The following PCDHGA1 variants were observed in gnomAD, a reference collection of about 807,000 sequenced individuals.
PCDHGA1 encodes protocadherin gamma-A1.
A neutral mutation model predicts 58.0 loss-of-function variants in PCDHGA1; 32 were observed. The observed-to-expected ratio is 0.55, with a 90% CI of 0.42 to 0.74. The LOEUF (loss-of-function observed/expected upper bound fraction) is 0.74, where lower values mean the gene tolerates loss of function less well. Among genes scored for constraint, PCDHGA1 ranks in the 30% least tolerant of loss-of-function variants. The pLI is 0.00. For missense variants in PCDHGA1, 1,205 were observed against 1,182.3 expected (o/e 1.02, Z -0.28); for synonymous variants, 498 against 501.1 (o/e 0.99, Z 0.08).
At chr5:141,478,574 C>T (rs2099465133) in intron 1 of PCDHGA1, 1 of 1,586,288 alleles carries the variant, frequency 6.3e-7, no homozygotes, top group Non-Finnish European at 8.6e-7. Flanking sequence ...ATGCTTGACC[C>T]TGTTAGTGCT....
At chr5:141,408,884 A>G (rs755835568) in intron 1 of PCDHGA1, 2 of 1,613,384 alleles carry the variant, frequency 1.2e-6, no homozygotes, top group Non-Finnish European at 1.7e-6. Context: ...CACCGCTCAC[A>G]TAGAAATTTC....
intron 1 of PCDHGA1, chr5:141,365,136 C>T: frequency 6.2e-7 from 1 of 1,613,950 alleles, no homozygotes; most frequent in Non-Finnish European, 8.5e-7. Flanking sequence ...GCCACGGATC[C>T]AGATGAGGGA....
Position 141,486,662 on chromosome 5 carries a change from C to T in PCDHGA1, c.2422-8145C>T. 6.2e-7 allele frequency: 1 copy of T among 1,613,970 alleles called. No homozygotes were observed. The highest frequency in any genetic ancestry group is 1.1e-5 in the South Asian group (1 of 91,086). ...GCTTATCTCCTACTCACTCCTGGAG[C>T]CCAGGAATCGAGATGTATCAGCTTC... On this transcript the variant is annotated intron_variant, in intron 1 of 3. Coordinates refer to ENST00000517417, the MANE Select transcript of PCDHGA1 (RefSeq NM_018912.3). The surrounding 1 kb of genome is among the most constrained non-coding windows in gnomAD (Gnocchi z 5.0).
chr5:141,441,370 C>A (rs1378574921), intron 1 of PCDHGA1: 1 of 152,672 alleles, frequency 6.5e-6, no homozygotes, highest in African/African-American at 2.4e-5. Flanking sequence ...GGGCCGTGGA[C>A]CAGGAACAGA....
intron 1 of PCDHGA1, chr5:141,400,093 C>G (rs1225718379): frequency 1.2e-6 from 2 of 1,614,094 alleles, no homozygotes; most frequent in Non-Finnish European, 1.7e-6. Context: ...CACCGCCACG[C>G]TGCACTTGGT....
rs920444759 is a variant in PCDHGA1, at chr5:141,432,767, C to G, written c.2422-62040C>G. On this transcript the variant is annotated intron_variant, in intron 1 of 3. Transcript: ENST00000517417. The surrounding 1 kb of genome is among the most constrained non-coding windows in gnomAD (Gnocchi z 6.0). ...CGTGGCCGTGGCCGACAGCATCCCC[C>G]AAGTCCTGGCGGACCTCGGCAGCCT... 2 of 1,614,058 alleles carry G rather than the reference C, an allele frequency of 1.2e-6. No individual in the cohort carries two copies. Among genetic ancestry groups the G allele is most frequent in the Admixed American group, 1.7e-5 (1 of 60,012 alleles).
chr5:141,352,257 A>C, intron 1 of PCDHGA1: 2 of 1,614,052 alleles, frequency 1.2e-6, no homozygotes, highest in South Asian at 2.2e-5. Context: ...AGCCTGCAAG[A>C]GGTATTGCCA....
At chr5:141,354,338 T>A (rs938895784) in intron 1 of PCDHGA1, among the ~76,000 whole-genome samples, 2 of 152,238 alleles carry the variant, frequency 1.3e-5, no homozygotes, top group Non-Finnish European at 2.9e-5. Context: ...GGTATTGTTC[T>A]AAAGATTGAG....
intron 1 of PCDHGA1, among the ~76,000 whole-genome samples, chr5:141,458,275 G>A (rs975142859): frequency 2.6e-5 from 4 of 152,142 alleles, no homozygotes; most frequent in Non-Finnish European, 5.9e-5. Flanking sequence ...GAACAACAGG[G>A]TTCCTGGTCC....
chr5:141,420,255 A>G lies in PCDHGA1; in HGVS notation c.2422-74552A>G, dbSNP rs917458059. The G allele has an allele frequency of 7.6e-6, 12 of 1,569,630 alleles. No homozygotes were observed. Among genetic ancestry groups the G allele is most frequent in the African/African-American group, 1.4e-5 (1 of 73,152 alleles). ...ATTTTAACTCCCAGCGTTGAAGCAG[A>G]TAAGAAGATTCTTAAACAGGTAAGT... is the stretch of plus-strand genomic sequence containing the variant. On this transcript the variant is annotated intron_variant, in intron 1 of 3. Coordinates refer to ENST00000517417, the MANE Select transcript of PCDHGA1 (RefSeq NM_018912.3).
intron 1 of PCDHGA1, chr5:141,356,276 C>A (rs1471282660): frequency 2.1e-5 from 33 of 1,559,972 alleles, no homozygotes; most frequent in Non-Finnish European, 2.8e-5. Flanking sequence ...GTCCAGGAAT[C>A]TTCTTCCCCG....
intron 1 of PCDHGA1, among the ~76,000 whole-genome samples, chr5:141,458,201 T>C (rs973995736): frequency 6.6e-6 from 1 of 152,168 alleles, no homozygotes; most frequent in African/African-American, 2.4e-5. Context: ...AGGCCATAAA[T>C]AGTTTAAAAT....
In PCDHGA1 at chr5:141,413,208, A is replaced by G. The variant is rs532127106; in HGVS notation, c.2421+80103A>G. The G allele has an allele frequency of 3.5e-5, 57 of 1,612,984 alleles. No individual in the cohort carries two copies. The African/African-American group carries it at 5.2e-4, about 15-fold the overall frequency. On this transcript the variant is annotated intron_variant, in intron 1 of 3. Coordinates refer to ENST00000517417, the MANE Select transcript of PCDHGA1 (RefSeq NM_018912.3). ...CTCAAAGGAATCGCTCAAAGGAATC[A>G]AAGGATTGCAGCGGGCTGGTCCTGC... is the stretch of plus-strand genomic sequence containing the variant.
At chr5:141,394,611 C>A (rs774009952) in intron 1 of PCDHGA1, 1 of 1,613,420 alleles carries the variant, frequency 6.2e-7, no homozygotes, top group Non-Finnish European at 8.5e-7. Flanking sequence ...AGACTCGGGC[C>A]AGAACGCCTG....
chr5:141,504,786 C>T (rs568185327), intron 2 of PCDHGA1, among the ~76,000 whole-genome samples: 1 of 152,132 alleles, frequency 6.6e-6, no homozygotes, highest in Non-Finnish European at 1.5e-5. Flanking sequence ...TCTCTTGGGG[C>T]CTCCTACATC....
Position 141,334,726 on chromosome 5 carries a change from A to G in PCDHGA1, c.2421+1621A>G, listed in dbSNP as rs1756529707. On this transcript the variant is annotated intron_variant, in intron 1 of 3. Coordinates refer to ENST00000517417, the MANE Select transcript of PCDHGA1 (RefSeq NM_018912.3). This position sits in a 1 kb window ranked among gnomAD's most constrained non-coding sequence, Gnocchi z 4.6. ...TGCTGGATAGAGACAGCGAACACCA[A>G]GTATCTCATATGTGAGCTGTGGTAT... 1 of 152,344 alleles carries G rather than the reference A, an allele frequency of 6.6e-6. No homozygotes were observed. The highest frequency in any genetic ancestry group is 2.4e-5 in the African/African-American group (1 of 41,562). The allele number at this position is 152,344 out of a possible 1,614,324, so 9.4% of individuals were successfully genotyped here. A position where few individuals can be genotyped will look rare whatever the true frequency, so the allele number is the denominator to read the frequency against.
chr5:141,414,986 A>G, intron 1 of PCDHGA1: 4 of 1,613,824 alleles, frequency 2.5e-6, no homozygotes, highest in Non-Finnish European at 3.4e-6. Context: ...GACTCCGGCC[A>G]GAACGCCTGG....
intron 1 of PCDHGA1, chr5:141,399,431 T>A (rs757950073): frequency 3.1e-6 from 5 of 1,613,970 alleles, no homozygotes; most frequent in Admixed American, 3.3e-5. Context: ...ATAAGCGTCA[T>A]CCTACATATC....
intron 1 of PCDHGA1, chr5:141,346,155 G>A (rs753087531): frequency 6.8e-6 from 11 of 1,613,870 alleles, no homozygotes; most frequent in Non-Finnish European, 9.3e-6. Flanking sequence ...CCTGGCCTTC[G>A]TCATCGTGCT....
Sources: gnomAD v4.1 joint callset for allele counts (sites outside exome capture counted in the v4.1 genomes callset) on GRCh38, gnomAD v4.1.1 for gene constraint, Gnocchi (gnomAD v3.1) non-coding constraint, MANE v1.5 for transcripts, NCBI Gene and HGNC (gene_info 2026-07-23, HGNC 2026-07-21) for gene names.